The following MARCHF8 variants were observed in gnomAD, a reference collection of about 807,000 sequenced individuals.
MARCHF8 encodes membrane associated ring-CH-type finger 8, also known as E3 ubiquitin-protein ligase MARCHF8.
MARCHF8 carries 40 observed loss-of-function variants against 51.6 expected under a neutral mutation model. The ratio of observed to expected loss-of-function variants is 0.77; its 90% CI spans 0.60 to 1.01. The LOEUF is 1.01. MARCHF8 is among the 50% of genes least tolerant of loss of function. MARCHF8 has a pLI of 0.00. For missense variants in MARCHF8, 685 were observed against 708.6 expected, an observed-to-expected ratio of 0.97 and a Z score of 0.38; for synonymous variants, 263 against 280.3, an observed-to-expected ratio of 0.94 and a Z score of 0.62.
rs183234556 is a variant in MARCHF8, at chr10:45,506,191, C to T, written c.103-16774G>A. ...AAGGAGGTTGAAGATCTAACACTTT[C>T]AAGAAACCAATTATTGAGCTGTATT... On this transcript the variant is annotated intron_variant, in intron 2 of 7. Coordinates refer to ENST00000453424, the MANE Select transcript of MARCHF8 (RefSeq NM_001282866.2). 1.6e-3 allele frequency among the ~76,000 whole-genome samples: 247 copies of T among 152,148 alleles called. 1 individual carries two copies. Among genetic ancestry groups the T allele is most frequent in the African/African-American group, 5.3e-3 (218 of 41,518 alleles).
At chr10:45,548,486 T>C (rs1029004074) in intron 1 of MARCHF8, among the ~76,000 whole-genome samples, 5 of 152,164 alleles carry the variant, frequency 3.3e-5, no homozygotes, top group Non-Finnish European at 7.4e-5. Context: ...AAAAAGGGCC[T>C]GGACTAATGT....
At chr10:45,490,812 A>G (rs1174636552) in intron 2 of MARCHF8, among the ~76,000 whole-genome samples, 3 of 152,252 alleles carry the variant, frequency 2.0e-5, no homozygotes, top group Non-Finnish European at 4.4e-5. Context: ...ATCATGGTTC[A>G]TGGCAGCCTT....
chr10:45,467,121 C>T (rs1274820575), intron 3 of MARCHF8, among the ~76,000 whole-genome samples: 1 of 152,122 alleles, frequency 6.6e-6, no homozygotes, highest in African/African-American at 2.4e-5. Flanking sequence ...TAGGAAACAG[C>T]GTTGGCATCC....
chr10:45,500,647 A>G (rs1227134242), intron 2 of MARCHF8, among the ~76,000 whole-genome samples: 1 of 152,094 alleles, frequency 6.6e-6, no homozygotes, highest in East Asian at 1.9e-4. Context: ...CTGATGCATC[A>G]TAGTGCCAAA....
intron 1 of MARCHF8, among the ~76,000 whole-genome samples, chr10:45,584,435 C>T (rs751134092): frequency 1.1e-4 from 17 of 151,568 alleles, no homozygotes; most frequent in Non-Finnish European, 2.2e-4. Flanking sequence ...GATTATGGAC[C>T]CACAGATTAA....
At chr10:45,505,568 G>A (rs2043364298) in intron 2 of MARCHF8, among the ~76,000 whole-genome samples, 1 of 152,174 alleles carries the variant, frequency 6.6e-6, no homozygotes, top group Non-Finnish European at 1.5e-5. Flanking sequence ...TTCCCACAGT[G>A]ACTGGTTGAA....
At chr10:45,566,318 T>A (rs2044363475) in intron 1 of MARCHF8, among the ~76,000 whole-genome samples, 1 of 152,216 alleles carries the variant, frequency 6.6e-6, no homozygotes, top group African/African-American at 2.4e-5. Context: ...AAATGTGCAA[T>A]TATTATTGAC....
At chr10:45,549,944 T>A (rs976526602) in intron 1 of MARCHF8, among the ~76,000 whole-genome samples, 1 of 152,112 alleles carries the variant, frequency 6.6e-6, no homozygotes, top group African/African-American at 2.4e-5. Flanking sequence ...CTTTATTAAT[T>A]ACCCCATCTC....
intron 1 of MARCHF8, among the ~76,000 whole-genome samples, chr10:45,559,892 T>A (rs2044290012): frequency 6.6e-6 from 1 of 152,178 alleles, no homozygotes; most frequent in South Asian, 2.1e-4. Context: ...GAATTTTAAA[T>A]ACCTTGTAAG....
chr10:45,545,006 C>T (rs925202780), intron 1 of MARCHF8, among the ~76,000 whole-genome samples: 3 of 152,158 alleles, frequency 2.0e-5, no homozygotes, highest in Non-Finnish European at 2.9e-5. Context: ...ATATGGTATT[C>T]TCTGCCTGCA....
rs546293951 is a variant in MARCHF8 at position 45,591,751 on chromosome 10, A to G, written c.-79+2484T>C. On this transcript the variant is annotated intron_variant, in intron 1 of 6. Transcript: ENST00000319836. ...AGCATCACAGTGAACCAAACACCAC[A>G]CATACACAATATTGTAAAGTATTTT... is the stretch of plus-strand genomic sequence containing the variant. 2.6e-5 allele frequency among the ~76,000 whole-genome samples: 4 copies of G among 152,328 alleles called. No homozygotes were observed. The South Asian group carries it at 8.3e-4, about 32-fold the overall frequency.
At chr10:45,466,005 C>T (rs937945262) in intron 3 of MARCHF8, among the ~76,000 whole-genome samples, 1 of 152,208 alleles carries the variant, frequency 6.6e-6, no homozygotes, top group Non-Finnish European at 1.5e-5. Context: ...GGACACTATG[C>T]TGTGACATCC....
At chr10:45,503,670 T>C (rs1283489614) in intron 2 of MARCHF8, among the ~76,000 whole-genome samples, 1 of 151,836 alleles carries the variant, frequency 6.6e-6, no homozygotes, top group African/African-American at 2.4e-5. Context: ...AATGGGAAAA[T>C]ATATACCAAG....
At chr10:45,511,661 C>T (rs2043509003) in intron 2 of MARCHF8, among the ~76,000 whole-genome samples, 1 of 152,244 alleles carries the variant, frequency 6.6e-6, no homozygotes, top group Non-Finnish European at 1.5e-5. Context: ...CCGCCAGCCT[C>T]GGCCTCCCGA....
chr10:45,463,081 C>T, intron 5 of MARCHF8, 70 bp downstream of exon 5: 1 of 1,471,058 alleles, frequency 6.8e-7, no homozygotes, highest in Non-Finnish European at 9.0e-7. Context: ...TGAAACTTCA[C>T]ATACTAAAGC....
intron 1 of MARCHF8, among the ~76,000 whole-genome samples, chr10:45,577,899 T>C (rs2044508143): frequency 6.6e-6 from 1 of 152,190 alleles, no homozygotes. Flanking sequence ...CCCATGTCTG[T>C]AGTCCTAGCT....
intron 1 of MARCHF8, among the ~76,000 whole-genome samples, chr10:45,593,065 C>G (rs183763854): frequency 8.7e-4 from 131 of 151,050 alleles, no homozygotes; most frequent in Non-Finnish European, 1.6e-3. Flanking sequence ...AAGAAAGGAA[C>G]TGACTTGCTT....
At chr10:45,545,039 GCTAA>G (rs1247268627) in intron 1 of MARCHF8, among the ~76,000 whole-genome samples, 3 of 152,224 alleles carry the variant, frequency 2.0e-5, no homozygotes, top group East Asian at 1.9e-4. Context: ...CCCCTTTTGG[GCTAA>G]CTAACTCTTC....
At chr10:45,486,570 A>T (rs1388871039) in intron 3 of MARCHF8, among the ~76,000 whole-genome samples, 1 of 152,178 alleles carries the variant, frequency 6.6e-6, no homozygotes, top group African/African-American at 2.4e-5. Context: ...TCTAAAAAAA[A>T]ATGTATGCAA....
Sources: gnomAD v4.1 joint callset for allele counts (sites outside exome capture counted in the v4.1 genomes callset) on GRCh38, gnomAD v4.1.1 for gene constraint, MANE v1.5 for transcripts, NCBI Gene and HGNC (gene_info 2026-07-23, HGNC 2026-07-21) for gene names.